Variants in CELF2 observed in about 807,000 individuals in gnomAD.
CELF2 encodes the protein CUG triplet repeat RNA-binding protein 2.
Under a neutral mutation model 62.6 loss-of-function variants are expected in CELF2, and 8 were observed. The observed-to-expected ratio is 0.13, with a 90% confidence interval of 0.07 to 0.23. CELF2 has a LOEUF of 0.23. Among genes scored for constraint, CELF2 ranks in the 10% least tolerant of loss-of-function variants. CELF2 has a pLI of 1.00. For missense variants in CELF2, 333 were observed against 671.0 expected (o/e 0.50, Z 5.56); for synonymous variants, 258 against 250.0 (o/e 1.03, Z -0.30).
intron 1 of CELF2, among the ~76,000 whole-genome samples, chr10:11,073,372 C>T (rs1394879880): frequency 6.6e-6 from 1 of 152,136 alleles, no homozygotes; most frequent in African/African-American, 2.4e-5. Flanking sequence ...TTAACGATTT[C>T]TGGGAATATA....
In CELF2 at chr10:10,957,837, A is replaced by G. The variant is rs2049067854; in HGVS notation, c.89+37838A>G. Among the ~76,000 whole-genome samples the G allele has an allele frequency of 6.6e-6, 1 of 152,162 alleles. No homozygotes were observed. The highest frequency in any genetic ancestry group is 1.5e-5 in the Non-Finnish European group (1 of 68,028). On this transcript the variant is annotated intron_variant, in intron 2 of 13. Coordinates refer to the CELF2 transcript ENST00000636488. This position sits in a 1 kb window ranked among gnomAD's most constrained non-coding sequence, Gnocchi z 4.1. ...CCTAATTGGGATCACATTCTCTGCT[A>G]AGTCTTCTTCTCACCATCCCATGGT... is the stretch of plus-strand genomic sequence containing the variant.
At chr10:10,862,155 G>T (rs2060078526) in intron 1 of CELF2, among the ~76,000 whole-genome samples, 1 of 152,170 alleles carries the variant, frequency 6.6e-6, no homozygotes, top group African/African-American at 2.4e-5. Context: ...GTATGTAGAG[G>T]CCCTAATGTT....
At chr10:10,516,258 G>A in the CELF2 span, among the ~76,000 whole-genome samples, 2 of 152,142 alleles carry the variant, frequency 1.3e-5, no homozygotes, top group East Asian at 3.8e-4. Flanking sequence ...ACAACCAGAA[G>A]ATTCATGGGA....
intron 1 of CELF2, among the ~76,000 whole-genome samples, chr10:10,812,545 C>G (rs2056025039): frequency 1.3e-5 from 2 of 152,268 alleles, no homozygotes; most frequent in South Asian, 4.2e-4. Context: ...TCCCCAAACA[C>G]CATATTATTT....
At chr10:10,616,971 G>T in the CELF2 span, among the ~76,000 whole-genome samples, 8 of 151,758 alleles carry the variant, frequency 5.3e-5, no homozygotes, top group Non-Finnish European at 1.2e-4. Context: ...TGCCTAGGCT[G>T]GTCTCAAACT....
At chr10:10,631,154 G>A in the CELF2 span, among the ~76,000 whole-genome samples, 1 of 152,136 alleles carries the variant, frequency 6.6e-6, no homozygotes, top group Non-Finnish European at 1.5e-5. Flanking sequence ...TCCAGACTCA[G>A]CCTGACATTT....
chr10:11,297,433 G>T lies in CELF2; in HGVS notation c.976+8881G>T, dbSNP rs916918980. 6.6e-6 allele frequency among the ~76,000 whole-genome samples: 1 copy of T among 152,108 alleles called. No individual in the cohort carries two copies. Among genetic ancestry groups the T allele is most frequent in the East Asian group, 1.9e-4 (1 of 5,172 alleles). ...GGGACCAGGTGCAGAAAGCCTTGGGGTCTGTGCTTGTGGAACAGAGGGACC... is the reference window on the plus strand; with the variant it reads ...GGGACCAGGTGCAGAAAGCCTTGGGTTCTGTGCTTGTGGAACAGAGGGACC... On this transcript the variant is annotated intron_variant, in intron 9 of 12. Coordinates refer to ENST00000633077, the MANE Select transcript of CELF2 (RefSeq NM_001326342.2). This position sits in a 1 kb window ranked among gnomAD's most constrained non-coding sequence, Gnocchi z 4.4.
upstream of CELF2, among the ~76,000 whole-genome samples, chr10:11,002,825 AGTT>A (rs1295090361): frequency 1.3e-5 from 2 of 152,026 alleles, no homozygotes; most frequent in Admixed American, 1.3e-4. The surrounding 1 kb of genome is among the most constrained non-coding windows in gnomAD (Gnocchi z 4.4). Context: ...TTTTTCACAT[AGTT>A]GTTAGAGAAA....
At chr10:10,820,698 G>A (rs1034044468) in intron 1 of CELF2, among the ~76,000 whole-genome samples, 3 of 152,202 alleles carry the variant, frequency 2.0e-5, no homozygotes, top group Non-Finnish European at 4.4e-5. Context: ...CTGAGGAATC[G>A]TTACTCACAC....
At chr10:10,881,207 C>G (rs1279956904) in intron 1 of CELF2, among the ~76,000 whole-genome samples, 1 of 152,178 alleles carries the variant, frequency 6.6e-6, no homozygotes, top group African/African-American at 2.4e-5. Flanking sequence ...GCTTTTGATT[C>G]ATCTCACTTA....
At chr10:11,092,858 C>T (rs2142020136) in intron 1 of CELF2, among the ~76,000 whole-genome samples, 1 of 152,318 alleles carries the variant, frequency 6.6e-6, no homozygotes, top group South Asian at 2.1e-4. Flanking sequence ...GCTAAACGAA[C>T]ACTCAGTCCA....
the CELF2 span, among the ~76,000 whole-genome samples, chr10:10,664,658 G>C: frequency 6.6e-6 from 1 of 152,212 alleles, no homozygotes. Flanking sequence ...TAGAAATCAA[G>C]CTGGGTAGAA....
intron 10 of CELF2, among the ~76,000 whole-genome samples, chr10:11,320,266 A>T (rs548954484): frequency 1.8e-4 from 28 of 152,326 alleles, no homozygotes; most frequent in Non-Finnish European, 3.7e-4. Context: ...CAGTCAGGAT[A>T]CAAGGGGAGA....
the CELF2 span, among the ~76,000 whole-genome samples, chr10:10,786,965 G>A: frequency 6.6e-6 from 1 of 150,840 alleles, no homozygotes; most frequent in African/African-American, 2.4e-5. Context: ...TCATATCCCT[G>A]TTTTCATAGT....
intron 1 of CELF2, among the ~76,000 whole-genome samples, chr10:10,853,936 G>A (rs2059552855): frequency 6.6e-6 from 1 of 152,070 alleles, no homozygotes; most frequent in South Asian, 2.1e-4. Context: ...CAAGGAGTGT[G>A]GTGTTTAAAG....
chr10:11,057,719 C>A (rs143021580), intron 1 of CELF2, among the ~76,000 whole-genome samples: 3 of 152,252 alleles, frequency 2.0e-5, no homozygotes, highest in African/African-American at 7.2e-5. Flanking sequence ...TGGTGATTGT[C>A]AGATTATGAC....
intron 2 of CELF2, among the ~76,000 whole-genome samples, chr10:10,979,710 A>T (rs190849415): frequency 2.2e-3 from 329 of 150,808 alleles, no homozygotes; most frequent in Middle Eastern, 6.8e-3. Context: ...CCATTGGCTT[A>T]TAACCTCACA....
chr10:10,662,201 C>A, the CELF2 span, among the ~76,000 whole-genome samples: 2 of 152,194 alleles, frequency 1.3e-5, no homozygotes, highest in African/African-American at 4.8e-5. Context: ...GACATAAATT[C>A]TCTTCATATC....
chr10:10,967,721 G>A (rs1178196162), intron 2 of CELF2, among the ~76,000 whole-genome samples: 2 of 152,082 alleles, frequency 1.3e-5, no homozygotes. Context: ...GAAGCTCCCA[G>A]TGGGAAGCAA....
Sources: gnomAD v4.1 joint callset for allele counts (sites outside exome capture counted in the v4.1 genomes callset) on GRCh38, gnomAD v4.1.1 for gene constraint, Gnocchi (gnomAD v3.1) non-coding constraint, MANE v1.5 for transcripts, NCBI Gene and HGNC (gene_info 2026-07-23, HGNC 2026-07-21) for gene names.